PRKG1: variants seen among roughly 807,000 people sequenced by gnomAD.
The protein encoded by PRKG1 is protein kinase cGMP-dependent 1.
A neutral mutation model predicts 88.1 loss-of-function variants in PRKG1; 35 were observed. That is an observed-to-expected ratio of 0.40 (90% CI 0.30 to 0.53). PRKG1 has a LOEUF of 0.53. Ranked by LOEUF, PRKG1 falls within the 20% of genes least tolerant of loss-of-function variation. The pLI is 0.59. For missense variants in PRKG1, 540 were observed against 839.8 expected (o/e 0.64, Z 4.41); for synonymous variants, 303 against 292.5 (o/e 1.04, Z -0.37).
intron 3 of PRKG1, among the ~76,000 whole-genome samples, chr10:51,739,391 T>C (rs1394225524): frequency 1.3e-5 from 2 of 152,198 alleles, no homozygotes; most frequent in Non-Finnish European, 2.9e-5. Context: ...AGGTTATATA[T>C]TACCTTGCAT....
chr10:51,224,014 G>C (rs1367393841), intron 2 of PRKG1, among the ~76,000 whole-genome samples: 1 of 152,114 alleles, frequency 6.6e-6, no homozygotes, highest in Non-Finnish European at 1.5e-5. Context: ...TGGTATCTTT[G>C]TGTAAAAAAG....
rs778118674 is a variant in PRKG1, at chr10:51,746,686, G to T, written c.593-57899G>T. 2.0e-5 allele frequency among the ~76,000 whole-genome samples: 3 copies of T among 150,502 alleles called. No homozygotes were observed. The South Asian group carries it at 6.3e-4, about 32-fold the overall frequency. On this transcript the variant is annotated intron_variant, in intron 3 of 17. Transcript: ENST00000373980. Reference sequence around the variant, plus strand: ...TGCAATGAGCAGATATGAGGTCACCGCACTGTAGCCTGGGTGACAGAGTAA... The same window carrying T: ...TGCAATGAGCAGATATGAGGTCACCTCACTGTAGCCTGGGTGACAGAGTAA...
chr10:51,215,649 A>G (rs1838352855), intron 2 of PRKG1, among the ~76,000 whole-genome samples: 1 of 152,162 alleles, frequency 6.6e-6, no homozygotes, highest in Non-Finnish European at 1.5e-5. Flanking sequence ...AAATGTTTTC[A>G]TGTTTATAAA....
chr10:51,356,102 C>A (rs908657251), intron 2 of PRKG1, among the ~76,000 whole-genome samples: 1 of 152,030 alleles, frequency 6.6e-6, no homozygotes, highest in Non-Finnish European at 1.5e-5. Flanking sequence ...CTGCATGGTG[C>A]ACACCTCCAG....
Position 51,750,901 on chromosome 10 carries a change from G to T in PRKG1, c.593-53684G>T, listed in dbSNP as rs552386379. On this transcript the variant is annotated intron_variant, in intron 3 of 17. Transcript: ENST00000373980. The stretch of plus-strand genomic sequence containing the variant: ...TTTTATTTCATAAGCAAAAAAAAAA[G>T]TTCAAAGAAAATTTCAAAGATAAAT... Among the ~76,000 whole-genome samples, 3 of 148,096 alleles carry T rather than the reference G, an allele frequency of 2.0e-5. No homozygotes were observed. In the East Asian group the frequency reaches 5.9e-4, roughly 29 times the overall value.
chr10:52,011,940 A>G lies in PRKG1; in HGVS notation c.763-42544A>G, dbSNP rs189390519. Among the ~76,000 whole-genome samples the G allele has an allele frequency of 2.7e-3, 418 of 152,284 alleles. 1 individual carries two copies. The highest frequency in any genetic ancestry group is 0.014 in the Middle Eastern group (4 of 294). On this transcript the variant is annotated intron_variant, in intron 5 of 17. Coordinates refer to ENST00000373980, the MANE Select transcript of PRKG1 (RefSeq NM_006258.4). The stretch of plus-strand genomic sequence containing the variant: ...CCTCTCTCTTTGCCTGCTGCCATCC[A>G]TGTAAGACTTGACTTGCTCCTCCTT...
At chr10:51,568,704 A>C (rs1489873518) in intron 3 of PRKG1, 4 of 152,116 alleles carry the variant, frequency 2.6e-5, no homozygotes, top group African/African-American at 9.6e-5. Context: ...AAACAACAAA[A>C]TTAACCAACT....
At chr10:52,110,587 G>T (rs1847540091) in intron 7 of PRKG1, among the ~76,000 whole-genome samples, 1 of 152,046 alleles carries the variant, frequency 6.6e-6, no homozygotes, top group Non-Finnish European at 1.5e-5. Flanking sequence ...AAGAGAATGA[G>T]ACCAATACCA....
At chr10:51,198,443 G>A (rs74133535) in intron 2 of PRKG1, among the ~76,000 whole-genome samples, 8,078 of 152,118 alleles carry the variant, frequency 0.053, 400 homozygotes, top group African/African-American at 0.13. Flanking sequence ...ATTCACAGTC[G>A]GATGTAAAAA....
At chr10:51,068,638 A>G (rs1463968728) in intron 1 of PRKG1, 1 of 152,050 alleles carries the variant, frequency 6.6e-6, no homozygotes, top group Non-Finnish European at 1.5e-5. Context: ...ATCATGGACT[A>G]GAGAGCTATT....
intron 2 of PRKG1, among the ~76,000 whole-genome samples, chr10:51,411,056 T>C (rs1281564147): frequency 6.6e-6 from 1 of 151,970 alleles, no homozygotes; most frequent in Non-Finnish European, 1.5e-5. Flanking sequence ...TGCAATACAG[T>C]GGTGTGATCT....
At chr10:51,169,847 CGTA>C (rs1396606611) in intron 2 of PRKG1, among the ~76,000 whole-genome samples, 1 of 152,064 alleles carries the variant, frequency 6.6e-6, no homozygotes, top group Non-Finnish European at 1.5e-5. Context: ...GTGTCTGGCA[CGTA>C]GGAGTGGCCG....
At chr10:52,233,398 G>A (rs1443029303) in intron 9 of PRKG1, among the ~76,000 whole-genome samples, 1 of 151,322 alleles carries the variant, frequency 6.6e-6, no homozygotes, top group Non-Finnish European at 1.5e-5. Context: ...TTCCATCTGA[G>A]GTACCGGGTT....
intron 2 of PRKG1, among the ~76,000 whole-genome samples, chr10:51,265,085 A>T (rs1292774109): frequency 4.6e-5 from 7 of 152,110 alleles, no homozygotes; most frequent in Non-Finnish European, 7.4e-5. Context: ...AGAGTTGTGC[A>T]TGCAATTCTT....
chr10:51,343,505 C>T (rs1427819027), intron 2 of PRKG1, among the ~76,000 whole-genome samples: 2 of 151,820 alleles, frequency 1.3e-5, no homozygotes, highest in African/African-American at 2.4e-5. Context: ...GGATTTTCTA[C>T]CATTTTTATT....
Position 52,153,013 on chromosome 10 carries a change from T to A in PRKG1, c.1002-8876T>A, listed in dbSNP as rs79082927. On this transcript the variant is annotated intron_variant, in intron 8 of 17. Coordinates refer to ENST00000373980, the MANE Select transcript of PRKG1 (RefSeq NM_006258.4). ...AACTAACAATTCCAGAACTCTGCAA[T>A]ATGCTCTGAAAAGCAACCACAAGGT... Among the ~76,000 whole-genome samples, 340 of 152,248 alleles carry A rather than the reference T, an allele frequency of 2.2e-3. 10 individuals carry two copies. The East Asian group carries it at 0.057, about 26-fold the overall frequency.
intron 3 of PRKG1, among the ~76,000 whole-genome samples, chr10:51,564,653 T>G (rs1472941323): frequency 6.6e-6 from 1 of 152,130 alleles, no homozygotes; most frequent in African/African-American, 2.4e-5. Context: ...CCGTACATTA[T>G]GGTCTAATTC....
intron 14 of PRKG1, among the ~76,000 whole-genome samples, chr10:52,283,079 AG>A (rs1383883177): frequency 1.3e-5 from 2 of 152,130 alleles, no homozygotes; most frequent in African/African-American, 4.8e-5. Flanking sequence ...TAAAAAAAAC[AG>A]GAACAGTCAT....
intron 2 of PRKG1, among the ~76,000 whole-genome samples, chr10:51,398,605 T>A (rs1293875671): frequency 6.6e-6 from 1 of 152,214 alleles, no homozygotes; most frequent in Admixed American, 6.5e-5. Flanking sequence ...CAGAAGGGTA[T>A]GTGTGATGGT....
Sources: allele counts gnomAD v4.1 joint callset (sites outside exome capture counted in the v4.1 genomes callset), GRCh38; gene constraint gnomAD v4.1.1; transcripts MANE v1.5; gene names NCBI Gene and HGNC (gene_info 2026-07-23, HGNC 2026-07-21).